The following CALCRL variants were observed in gnomAD, a reference collection of about 807,000 sequenced individuals.
CALCRL encodes calcitonin gene-related peptide type 1 receptor.
In CALCRL, 27 loss-of-function variants were observed where a neutral mutation model predicts 60.4. The ratio of observed to expected loss-of-function variants is 0.45; its 90% CI spans 0.33 to 0.62. The LOEUF (loss-of-function observed/expected upper bound fraction) is 0.62, where lower values mean the gene tolerates loss of function less well. Ranked by LOEUF, CALCRL falls within the 20% of genes least tolerant of loss-of-function variation. CALCRL has a pLI of 0.03. For missense variants in CALCRL, 424 were observed against 540.7 expected (o/e 0.78, Z 2.14); for synonymous variants, 190 against 182.6 (o/e 1.04, Z -0.33).
intron 1 of CALCRL, among the ~76,000 whole-genome samples, chr2:187,431,635 A>G (rs1690410621): frequency 6.6e-6 from 1 of 152,072 alleles, no homozygotes; most frequent in South Asian, 2.1e-4. Flanking sequence ...ACAAACATGG[A>G]GGCAGATAGT....
chr2:187,406,177 C>G (rs550666274), intron 1 of CALCRL, among the ~76,000 whole-genome samples: 1 of 109,510 alleles, frequency 9.1e-6, no homozygotes, highest in South Asian at 2.9e-4. Flanking sequence ...CAAACCAAAC[C>G]AAACACAACC....
intron 1 of CALCRL, among the ~76,000 whole-genome samples, chr2:187,414,516 A>G (rs574482403): frequency 2.1e-4 from 32 of 152,312 alleles, no homozygotes; most frequent in Middle Eastern, 6.8e-3. Flanking sequence ...ATTAGCTGCC[A>G]AGCCTGGAAG....
chr2:187,384,877 G>A (rs1688143910), intron 4 of CALCRL, among the ~76,000 whole-genome samples: 1 of 152,034 alleles, frequency 6.6e-6, no homozygotes, highest in African/African-American at 2.4e-5. Context: ...AAAAACATGG[G>A]TGATTCATTA....
chr2:187,382,402 T>C (rs371270610), intron 5 of CALCRL, among the ~76,000 whole-genome samples: 2 of 152,336 alleles, frequency 1.3e-5, no homozygotes, highest in East Asian at 1.9e-4. Flanking sequence ...ATATTCCTAT[T>C]GTTCAACAAT....
At chr2:187,408,411 CATT>C (rs1239319074) in intron 1 of CALCRL, among the ~76,000 whole-genome samples, 2 of 151,868 alleles carry the variant, frequency 1.3e-5, no homozygotes, top group Non-Finnish European at 2.9e-5. Flanking sequence ...TTATTTAAAA[CATT>C]ATTGAGAAAT....
Position 187,352,108 on chromosome 2 carries a change from C to A in CALCRL, c.1128+6G>T, listed in dbSNP as rs1385619907. The A allele has an allele frequency of 6.2e-7, 1 of 1,609,850 alleles. No homozygotes were observed. Among genetic ancestry groups the A allele is most frequent in the Non-Finnish European group, 8.5e-7 (1 of 1,176,702 alleles). On this transcript the variant is annotated splice_donor_region_variant and intron_variant, in intron 13 of 14. Coordinates refer to ENST00000392370, the MANE Select transcript of CALCRL (RefSeq NM_005795.6). Reference sequence around the variant, plus strand: ...TCAAGCTGCCTTCTTATCAAGAATGCCATACCTGGAAGTGCATAAGGATGT... The same window carrying A: ...TCAAGCTGCCTTCTTATCAAGAATGACATACCTGGAAGTGCATAAGGATGT...
intron 1 of CALCRL, among the ~76,000 whole-genome samples, chr2:187,419,577 C>T (rs1689777357): frequency 6.6e-6 from 1 of 152,050 alleles, no homozygotes; most frequent in South Asian, 2.1e-4. Flanking sequence ...GAACTTAACA[C>T]CAAAGTGAAA....
chr2:187,433,097 G>T (rs1690470920), intron 1 of CALCRL, among the ~76,000 whole-genome samples: 1 of 151,986 alleles, frequency 6.6e-6, no homozygotes, highest in Non-Finnish European at 1.5e-5. Flanking sequence ...TTAGAATCTG[G>T]ATTTCTAAAA....
intron 8 of CALCRL, among the ~76,000 whole-genome samples, chr2:187,375,240 CCGCAG>C (rs1687702263): frequency 6.9e-6 from 1 of 145,380 alleles, no homozygotes; most frequent in African/African-American, 2.6e-5. Flanking sequence ...CCACTGCAGT[CCGCAG>C]TCCGGCCTGG....
chr2:187,429,958 G>A (rs1443159315), intron 1 of CALCRL, among the ~76,000 whole-genome samples: 1 of 152,152 alleles, frequency 6.6e-6, no homozygotes, highest in Non-Finnish European at 1.5e-5. Flanking sequence ...CACAGATAGT[G>A]GAGGCCAAAT....
rs1011126808 is a variant in CALCRL at position 187,344,141 on chromosome 2, A to T, written c.*2043T>A. 2.0e-4 allele frequency: 31 copies of T among 151,730 alleles called. No individual in the cohort carries two copies. The highest frequency in any genetic ancestry group is 6.7e-4 in the African/African-American group (28 of 41,518). 9.4% of individuals were successfully genotyped at this position (151,730 alleles called of 1,614,324 possible). On this transcript the variant is annotated 3_prime_UTR_variant, in exon 15 of 15. Coordinates refer to ENST00000392370, the MANE Select transcript of CALCRL (RefSeq NM_005795.6). Reference sequence around the variant, plus strand: ...TTGAATAATAAATAGCTAATAATTGAGTTTATTAAAATGAATTTTTGTATA... The same window carrying T: ...TTGAATAATAAATAGCTAATAATTGTGTTTATTAAAATGAATTTTTGTATA...
At chr2:187,389,517 AT>A (rs1258346059) in intron 1 of CALCRL, among the ~76,000 whole-genome samples, 1 of 152,268 alleles carries the variant, frequency 6.6e-6, no homozygotes, top group African/African-American at 2.4e-5. Context: ...AAGTTATCAC[AT>A]TTTTCCATCT....
chr2:187,419,023 A>ATTTTTTT (rs33929530), intron 1 of CALCRL, among the ~76,000 whole-genome samples: 1 of 85,978 alleles, frequency 1.2e-5, no homozygotes, highest in Non-Finnish European at 2.2e-5. Flanking sequence ...CGTCTGGCTA[A>ATTTTTTT]TTTTTTTTTT....
At chr2:187,366,743 G>A (rs1179439242) in intron 8 of CALCRL, among the ~76,000 whole-genome samples, 1 of 151,956 alleles carries the variant, frequency 6.6e-6, no homozygotes, top group African/African-American at 2.4e-5. Flanking sequence ...ACAGTTAAAG[G>A]TTAATCCTCT....
At chr2:187,359,161 A>G in intron 11 of CALCRL, 32 bp from the exon 12 acceptor site, 1 of 1,603,714 alleles carries the variant, frequency 6.2e-7, no homozygotes, top group Non-Finnish European at 8.5e-7. Flanking sequence ...TATGTTGAAA[A>G]TTTTTATTTT....
rs1418265185 is a variant in CALCRL at position 187,442,573 on chromosome 2, G to C, written c.-293+5466C>G. On this transcript the variant is annotated intron_variant, in intron 1 of 14. Coordinates refer to ENST00000392370, the MANE Select transcript of CALCRL (RefSeq NM_005795.6). ...AAGAAAATATAAGTGTCTTCCATTA[G>C]GTGGCAGTAATAAGTTCCTATAATA... Among the ~76,000 whole-genome samples, 5 of 151,598 alleles carry C rather than the reference G, an allele frequency of 3.3e-5. No homozygotes were observed. In the South Asian group the frequency reaches 8.3e-4, roughly 25 times the overall value.
intron 12 of CALCRL, among the ~76,000 whole-genome samples, chr2:187,353,376 C>A (rs376789921): frequency 6.6e-6 from 1 of 151,796 alleles, no homozygotes; most frequent in Non-Finnish European, 1.5e-5. Flanking sequence ...ATCTATGCAC[C>A]AAATATAATT....
intron 9 of CALCRL, among the ~76,000 whole-genome samples, chr2:187,363,084 ATAAT>A (rs779549546): frequency 6.6e-6 from 1 of 152,272 alleles, no homozygotes; most frequent in East Asian, 1.9e-4. Context: ...ACATGTATAA[ATAAT>A]TGAAGCAAAG....
At chr2:187,429,865 A>C (rs1314240906) in intron 1 of CALCRL, among the ~76,000 whole-genome samples, 1 of 129,184 alleles carries the variant, frequency 7.7e-6, no homozygotes, top group Admixed American at 7.5e-5. Context: ...TCAAACTCTC[A>C]AACATGTTAT....
Sources: allele counts gnomAD v4.1 joint callset (sites outside exome capture counted in the v4.1 genomes callset), GRCh38; gene constraint gnomAD v4.1.1; transcripts MANE v1.5; gene names NCBI Gene and HGNC (gene_info 2026-07-23, HGNC 2026-07-21).